The following GRM7 variants were observed in gnomAD, a reference collection of about 807,000 sequenced individuals.
GRM7 encodes glutamate metabotropic receptor 7.
Under a neutral mutation model 84.5 loss-of-function variants are expected in GRM7, and 35 were observed. The observed-to-expected ratio is 0.41, with a 90% CI of 0.32 to 0.55. The LOEUF is 0.55. GRM7 is among the 20% of genes least tolerant of loss of function. The pLI, the probability that GRM7 is intolerant of heterozygous loss-of-function variation, is 0.19. For missense variants in GRM7, 1,003 were observed against 1,194.6 expected, an observed-to-expected ratio of 0.84 and a Z score of 2.36; for synonymous variants, 487 against 455.1, an observed-to-expected ratio of 1.07 and a Z score of -0.89.
At chr3:7,225,635 A>C (rs954369349) in intron 2 of GRM7, among the ~76,000 whole-genome samples, 2 of 150,796 alleles carry the variant, frequency 1.3e-5, no homozygotes, top group African/African-American at 4.9e-5. Context: ...TAAATGAATT[A>C]AATTAATTGT....
chr3:7,500,904 A>T (rs959103584), intron 7 of GRM7, among the ~76,000 whole-genome samples: 3 of 152,178 alleles, frequency 2.0e-5, no homozygotes, highest in African/African-American at 7.2e-5. Flanking sequence ...CCGAATCCAG[A>T]TATCCCACAT....
intron 2 of GRM7, among the ~76,000 whole-genome samples, chr3:7,160,006 A>G (rs1694574409): frequency 6.6e-6 from 1 of 152,156 alleles, no homozygotes; most frequent in South Asian, 2.1e-4. Context: ...AATCTGGCTA[A>G]AGGTCAGGTG....
chr3:7,539,370 G>A (rs975708750), intron 7 of GRM7, among the ~76,000 whole-genome samples: 7 of 151,996 alleles, frequency 4.6e-5, no homozygotes, highest in Non-Finnish European at 8.8e-5. Flanking sequence ...GAAGTTCTCC[G>A]TGCTTTCTTT....
chr3:7,181,298 A>C (rs1386310811), intron 2 of GRM7, among the ~76,000 whole-genome samples: 1 of 152,160 alleles, frequency 6.6e-6, no homozygotes, highest in African/African-American at 2.4e-5. Context: ...AAGGCCTTTC[A>C]ATTAGATTTG....
chr3:7,072,214 C>T (rs938431567), intron 1 of GRM7, among the ~76,000 whole-genome samples: 8 of 152,074 alleles, frequency 5.3e-5, no homozygotes, highest in African/African-American at 1.7e-4. Flanking sequence ...CTTCCCCTCA[C>T]GATCCATTAG....
intron 9 of GRM7, among the ~76,000 whole-genome samples, chr3:7,699,546 G>C (rs1407811502): frequency 6.6e-6 from 1 of 152,142 alleles, no homozygotes; most frequent in Non-Finnish European, 1.5e-5. Context: ...AATTTGAACT[G>C]CACCTCTGTT....
In GRM7 at chr3:7,229,740, TATATATATATATATATATA is replaced by T. The variant is rs1575058758; in HGVS notation, c.737-68943_737-68925del. ...ATAGACACACACATATATATATATA[TATATATATATATATATATA>T]TTTTTTTTTTTTTTTGGTTGACAGG... is the stretch of plus-strand genomic sequence containing the variant. On this transcript the variant is annotated intron_variant, in intron 2 of 9. Transcript: ENST00000357716. Among the ~76,000 whole-genome samples the T allele has an allele frequency of 6.4e-5, 2 of 31,220 alleles. 1 individual carries two copies. The highest frequency in any genetic ancestry group is 1.4e-4 in the Non-Finnish European group (2 of 14,226). 20.5% of individuals were successfully genotyped at this position (31,220 alleles called of 152,430 possible).
At chr3:7,439,295 C>T (rs570908092) in intron 5 of GRM7, among the ~76,000 whole-genome samples, 2 of 152,204 alleles carry the variant, frequency 1.3e-5, no homozygotes, top group East Asian at 3.9e-4. Context: ...GAGCAAAGGT[C>T]AGCAATATTT....
chr3:6,951,846 T>C (rs555948109), intron 1 of GRM7, among the ~76,000 whole-genome samples: 26 of 152,344 alleles, frequency 1.7e-4, no homozygotes, highest in Non-Finnish European at 3.2e-4. Flanking sequence ...ATTCTCTTAA[T>C]TATTGTGCTT....
intron 2 of GRM7, among the ~76,000 whole-genome samples, chr3:7,272,149 CCT>C (rs1698889538): frequency 6.6e-6 from 1 of 152,032 alleles, no homozygotes; most frequent in African/African-American, 2.4e-5. Context: ...ACATGTTTTT[CCT>C]CTCTCCCTCC....
Position 7,545,844 on chromosome 3 carries a change from G to T in GRM7, c.1516-32578G>T, listed in dbSNP as rs1178784741. ...CTTAAAATTTGTGTATTTTTCTAGA[G>T]GCACAATTAAAAGAAAGAATAATGA... On this transcript the variant is annotated intron_variant, in intron 7 of 9. Coordinates refer to ENST00000357716, the MANE Select transcript of GRM7 (RefSeq NM_000844.4). Among the ~76,000 whole-genome samples the T allele has an allele frequency of 2.0e-5, 3 of 152,022 alleles. No individual in the cohort carries two copies. The East Asian group carries it at 5.8e-4, about 29-fold the overall frequency.
At chr3:7,227,130 C>G (rs563186422) in intron 2 of GRM7, among the ~76,000 whole-genome samples, 4 of 152,254 alleles carry the variant, frequency 2.6e-5, no homozygotes, top group African/African-American at 9.6e-5. Flanking sequence ...ATTATTCAGC[C>G]TGTTAAACTG....
chr3:7,376,452 A>C (rs9860807), intron 4 of GRM7, among the ~76,000 whole-genome samples: 90,469 of 152,016 alleles, frequency 0.6, 27,127 homozygotes, highest in African/African-American at 0.67. Context: ...AAGCTAGGAG[A>C]CCTGCTCCGT....
chr3:7,658,886 G>C (rs1699314209), intron 8 of GRM7, among the ~76,000 whole-genome samples: 1 of 152,042 alleles, frequency 6.6e-6, no homozygotes, highest in African/African-American at 2.4e-5. Flanking sequence ...TTTATAAAAA[G>C]ATAATAAAAC....
intron 1 of GRM7, among the ~76,000 whole-genome samples, chr3:7,099,414 T>G (rs1698992812): frequency 6.8e-6 from 1 of 147,910 alleles, no homozygotes; most frequent in African/African-American, 2.5e-5. Flanking sequence ...ATAATACATA[T>G]TATGCATGTA....
chr3:7,446,354 A>G (rs1043179102), intron 5 of GRM7, among the ~76,000 whole-genome samples: 3 of 151,854 alleles, frequency 2.0e-5, no homozygotes, highest in Admixed American at 1.3e-4. Context: ...CTCAGTCTAC[A>G]TTAGTAAACA....
chr3:6,919,674 A>G (rs954759952), intron 1 of GRM7, among the ~76,000 whole-genome samples: 1 of 151,692 alleles, frequency 6.6e-6, no homozygotes, highest in African/African-American at 2.4e-5. Context: ...ATATAAGATC[A>G]TGGGGTTCTT....
intron 4 of GRM7, among the ~76,000 whole-genome samples, chr3:7,398,538 G>T (rs999644010): frequency 3.3e-5 from 5 of 151,956 alleles, no homozygotes; most frequent in Non-Finnish European, 7.4e-5. Flanking sequence ...GAGAAATTTG[G>T]TAGCCTACGT....
At chr3:7,720,310 T>A (rs1701900922) in intron 9 of GRM7, among the ~76,000 whole-genome samples, 2 of 147,202 alleles carry the variant, frequency 1.4e-5, no homozygotes, top group Non-Finnish European at 3.0e-5. Flanking sequence ...AATCTTCAAC[T>A]TTTTTTTTTC....
Sources: allele counts gnomAD v4.1 joint callset (sites outside exome capture counted in the v4.1 genomes callset), GRCh38; gene constraint gnomAD v4.1.1; transcripts MANE v1.5; gene names NCBI Gene and HGNC (gene_info 2026-07-23, HGNC 2026-07-21).